The following WWOX variants were observed in gnomAD, a reference collection of about 807,000 sequenced individuals.
The protein encoded by WWOX is WW domain-containing oxidoreductase.
A neutral mutation model predicts 46.2 loss-of-function variants in WWOX; 69 were observed. The ratio of observed to expected loss-of-function variants is 1.49; its 90% CI spans 1.23 to 1.82. The LOEUF (loss-of-function observed/expected upper bound fraction) is 1.82. Ranked by LOEUF, WWOX falls within the 40% of genes most tolerant of loss-of-function variation. The pLI, the probability that WWOX is intolerant of heterozygous loss-of-function variation, is 0.00. For missense variants in WWOX, 919 were observed against 542.6 expected (o/e 1.69, Z -6.89); for synonymous variants, 359 against 202.6 (o/e 1.77, Z -6.56).
chr16:78,934,857 T>C (rs1392328069), intron 8 of WWOX, among the ~76,000 whole-genome samples: 2 of 152,184 alleles, frequency 1.3e-5, no homozygotes, highest in African/African-American at 2.4e-5. Context: ...CGCAGCACTT[T>C]GGGAGGCCAA....
intron 5 of WWOX, among the ~76,000 whole-genome samples, chr16:78,226,484 C>G (rs1385548793): frequency 5.2e-5 from 5 of 95,960 alleles, no homozygotes; most frequent in Admixed American, 9.7e-5. Flanking sequence ...GTCCTGTCTT[C>G]CCTCCCTCCC....
At chr16:78,952,992 G>A (rs74032450) in intron 8 of WWOX, among the ~76,000 whole-genome samples, 4 of 149,938 alleles carry the variant, frequency 2.7e-5, no homozygotes, top group South Asian at 2.1e-4. Context: ...GAAAAATCAC[G>A]CATTTCTCTG....
At chr16:78,908,088 G>A (rs1249077469) in intron 8 of WWOX, among the ~76,000 whole-genome samples, 1 of 152,124 alleles carries the variant, frequency 6.6e-6, no homozygotes, top group Non-Finnish European at 1.5e-5. Flanking sequence ...GGATAACAAG[G>A]CTCTGTAATC....
intron 3 of WWOX, among the ~76,000 whole-genome samples, chr16:78,114,575 G>A (rs1330564713): frequency 1.3e-5 from 2 of 152,050 alleles, no homozygotes; most frequent in African/African-American, 4.8e-5. Flanking sequence ...ACTTCTCTAC[G>A]TCTTTAGGCC....
chr16:78,149,510 A>G (rs892901264), intron 4 of WWOX, among the ~76,000 whole-genome samples: 5 of 152,232 alleles, frequency 3.3e-5, no homozygotes, highest in African/African-American at 9.6e-5. Flanking sequence ...TGGATTCCAT[A>G]CAGCAGGTAG....
intron 8 of WWOX, among the ~76,000 whole-genome samples, chr16:78,789,548 G>C (rs2050542786): frequency 1.3e-5 from 2 of 152,004 alleles, no homozygotes. Context: ...TTTGGTTACT[G>C]TACTCTGTGT....
chr16:79,122,260 G>T (rs2150677995), intron 8 of WWOX, among the ~76,000 whole-genome samples: 1 of 152,194 alleles, frequency 6.6e-6, no homozygotes, highest in South Asian at 2.1e-4. Context: ...AGAAATTTAG[G>T]CTGAGCCAAA....
intron 8 of WWOX, among the ~76,000 whole-genome samples, chr16:78,539,654 G>T (rs1028699999): frequency 6.6e-6 from 1 of 152,186 alleles, no homozygotes; most frequent in African/African-American, 2.4e-5. Flanking sequence ...TGTGCAAATT[G>T]TACTTGCAGT....
At chr16:78,697,523 A>G (rs924624277) in intron 8 of WWOX, among the ~76,000 whole-genome samples, 2 of 152,186 alleles carry the variant, frequency 1.3e-5, no homozygotes, top group Admixed American at 6.5e-5. Flanking sequence ...AAGGACTAAT[A>G]TCCAGGATCT....
chr16:79,014,967 T>C (rs1000870056), intron 8 of WWOX, among the ~76,000 whole-genome samples: 3 of 152,142 alleles, frequency 2.0e-5, no homozygotes, highest in Admixed American at 2.0e-4. Flanking sequence ...GAAGGATGTA[T>C]CCACTGGGCA....
rs183095349 is a variant in WWOX at position 78,919,128 on chromosome 16, C to G, written c.1057-292480C>G. ...TCACTTGAGATCCTACTAAACAACA[C>G]ACGGAACAATGACCGCAATAACCAA... On this transcript the variant is annotated intron_variant, in intron 8 of 8. Coordinates refer to ENST00000566780, the MANE Select transcript of WWOX (RefSeq NM_016373.4). 2.4e-3 allele frequency among the ~76,000 whole-genome samples: 370 copies of G among 152,276 alleles called. 1 individual carries two copies. The highest frequency in any genetic ancestry group is 8.6e-3 in the African/African-American group (359 of 41,562).
At chr16:79,090,420 C>T (rs144189820) in intron 8 of WWOX, among the ~76,000 whole-genome samples, 95 of 152,024 alleles carry the variant, frequency 6.2e-4, no homozygotes, top group African/African-American at 2.2e-3. Flanking sequence ...TCTGGAGGGC[C>T]CTCTATGTGC....
At chr16:78,992,630 T>C (rs4888002) in intron 8 of WWOX, among the ~76,000 whole-genome samples, 149,318 of 152,216 alleles carry the variant, frequency 0.98, 73,323 homozygotes, top group East Asian at 1. Flanking sequence ...TCCCTTCCCA[T>C]GATCCCATCT....
At position 78,304,138 on chromosome 16, in the gene WWOX, T is replaced by G. The variant is rs537424370; in HGVS notation, c.517-82722T>G. Among the ~76,000 whole-genome samples the G allele has an allele frequency of 2.0e-5, 3 of 152,306 alleles. No individual in the cohort carries two copies. The South Asian group carries it at 6.2e-4, about 32-fold the overall frequency. On this transcript the variant is annotated intron_variant, in intron 5 of 8. Transcript: ENST00000566780. ...TGAGTCATGACCTCCCCAAAGTGTT[T>G]CCTTCCCGTGGCCTCTTCTCCCGAT... is the stretch of plus-strand genomic sequence containing the variant.
intron 8 of WWOX, among the ~76,000 whole-genome samples, chr16:78,991,928 C>G (rs1024603043): frequency 6.6e-6 from 1 of 152,128 alleles, no homozygotes; most frequent in Non-Finnish European, 1.5e-5. Flanking sequence ...ACAATACCAG[C>G]CACAAAATAA....
chr16:78,829,256 A>G (rs2051747620), intron 8 of WWOX, among the ~76,000 whole-genome samples: 1 of 152,252 alleles, frequency 6.6e-6, no homozygotes, highest in Non-Finnish European at 1.5e-5. Flanking sequence ...GTAGCCAGCA[A>G]TCTGGAGATC....
At chr16:78,365,327 TTTG>T (rs1294966761) in intron 5 of WWOX, among the ~76,000 whole-genome samples, 1 of 152,144 alleles carries the variant, frequency 6.6e-6, no homozygotes, top group Admixed American at 6.5e-5. Context: ...TGGTTATGTT[TTTG>T]TTTTGTTTTT....
intron 5 of WWOX, among the ~76,000 whole-genome samples, chr16:78,341,871 T>C (rs1194755836): frequency 1.7e-5 from 2 of 120,358 alleles, no homozygotes; most frequent in Non-Finnish European, 4.0e-5. Flanking sequence ...TTCTAGCACA[T>C]TGGGAGGCTG....
At position 78,707,380 on chromosome 16, in the gene WWOX, G is replaced by T. The variant is rs150850220; in HGVS notation, c.1056+274628G>T. ...TATAAGACATTGGCCATGCGTCCTTGTCTGTGCCACCTCACCAGGAGCATT... is the reference window on the plus strand; with the variant it reads ...TATAAGACATTGGCCATGCGTCCTTTTCTGTGCCACCTCACCAGGAGCATT... On this transcript the variant is annotated intron_variant, in intron 8 of 8. Transcript: ENST00000566780. 3.3e-4 allele frequency among the ~76,000 whole-genome samples: 51 copies of T among 152,306 alleles called. 1 individual carries two copies. Among genetic ancestry groups the T allele is most frequent in the African/African-American group, 9.1e-4 (38 of 41,574 alleles).
Sources: allele counts gnomAD v4.1 joint callset (sites outside exome capture counted in the v4.1 genomes callset), GRCh38; gene constraint gnomAD v4.1.1; transcripts MANE v1.5; gene names NCBI Gene and HGNC (gene_info 2026-07-23, HGNC 2026-07-21).